ESR1: variants seen among roughly 807,000 people sequenced by gnomAD.
ESR1 encodes estrogen receptor.
A neutral mutation model predicts 52.7 loss-of-function variants in ESR1; 12 were observed. That is an observed-to-expected ratio of 0.23 (90% CI 0.15 to 0.37). The LOEUF (loss-of-function observed/expected upper bound fraction) is 0.37, where lower values mean the gene tolerates loss of function less well. Among genes scored for constraint, ESR1 ranks in the 10% least tolerant of loss-of-function variants. The pLI, the probability that ESR1 is intolerant of heterozygous loss-of-function variation, is 1.00. For synonymous variants in ESR1, 305 were observed against 316.8 expected, an observed-to-expected ratio of 0.96 and a Z score of 0.39; for missense variants, 584 against 779.7, an observed-to-expected ratio of 0.75 and a Z score of 2.99.
chr6:152,071,509 G>A (rs2048348583), intron 6 of ESR1, among the ~76,000 whole-genome samples: 2 of 152,140 alleles, frequency 1.3e-5, no homozygotes, highest in Admixed American at 6.5e-5. Flanking sequence ...TTGCCCATGA[G>A]ATGGAGATTA....
chr6:151,944,255 G>T lies in ESR1; in HGVS notation c.843G>T (p.Gly281=), dbSNP rs778524912. The change falls in exon 4 of 8, where the codon GGG becomes GGT. Residue 281 remains glycine (G), a synonymous_variant. Transcript: ENST00000206249. ...ATGGGGAGGGCAGGGGTGAAGTGGG[G>T]TCTGCTGGAGACATGAGAGCTGCCA... ...RDDGEGRGEV[G]SAGDMRAANL... The T allele has an allele frequency of 1.2e-6, 2 of 1,614,062 alleles. No individual in the cohort carries two copies. Among genetic ancestry groups the T allele is most frequent in the African/African-American group, 1.3e-5 (1 of 74,926 alleles).
intron 6 of ESR1, among the ~76,000 whole-genome samples, chr6:152,066,175 G>T (rs1427653999): frequency 6.6e-6 from 1 of 152,144 alleles, no homozygotes; most frequent in Non-Finnish European, 1.5e-5. Context: ...CATTCTGTTT[G>T]CTTTGATCAG....
Position 151,807,867 on chromosome 6 carries a change from C to T in ESR1, c.-46C>T, listed in dbSNP as rs1196656682. 1.3e-6 allele frequency: 2 copies of T among 1,564,234 alleles called. No homozygotes were observed. Among genetic ancestry groups the T allele is most frequent in the South Asian group, 2.2e-5 (2 of 89,190 alleles). On this transcript the variant is annotated 5_prime_UTR_variant, in exon 1 of 8. Transcript: ENST00000206249. ...GGTGGCCCGCCGGTTTCTGAGCCTTCTGCCCTGCGGGGACACGGTCTGCAC... is the reference window on the plus strand; with the variant it reads ...GGTGGCCCGCCGGTTTCTGAGCCTTTTGCCCTGCGGGGACACGGTCTGCAC...
chr6:152,081,653 C>T (rs2049225781), intron 6 of ESR1, among the ~76,000 whole-genome samples: 3 of 151,368 alleles, frequency 2.0e-5, no homozygotes, highest in Non-Finnish European at 4.4e-5. Context: ...GACAGAGACA[C>T]AAAAAGCCGT....
chr6:151,790,301 C>T (rs762099464), intron 2 of ESR1, among the ~76,000 whole-genome samples: 4 of 152,194 alleles, frequency 2.6e-5, no homozygotes, highest in African/African-American at 7.2e-5. Context: ...GCTTTTCTTG[C>T]GTGCCACCAA....
At chr6:152,089,009 A>G (rs2049969464) in intron 6 of ESR1, among the ~76,000 whole-genome samples, 1 of 152,220 alleles carries the variant, frequency 6.6e-6, no homozygotes, top group Admixed American at 6.5e-5. Flanking sequence ...CACTACATTC[A>G]AGGCAAATAT....
intron 4 of ESR1, among the ~76,000 whole-genome samples, chr6:151,948,925 T>G (rs1316231228): frequency 6.6e-6 from 1 of 152,190 alleles, no homozygotes; most frequent in Non-Finnish European, 1.5e-5. Flanking sequence ...AGATTTGAGC[T>G]CAGGAAGTGC....
chr6:152,120,598 G>A (rs1562801255), intron 6 of ESR1, among the ~76,000 whole-genome samples: 1 of 152,140 alleles, frequency 6.6e-6, no homozygotes, highest in Non-Finnish European at 1.5e-5. Context: ...GGTGGCTTGT[G>A]AGCTGAGTCC....
At chr6:151,660,240 G>GGTACA (rs1209549959) in intron 1 of ESR1, among the ~76,000 whole-genome samples, 1 of 152,198 alleles carries the variant, frequency 6.6e-6, no homozygotes, top group East Asian at 1.9e-4. Flanking sequence ...GATGGGAAAA[G>GGTACA]GTACAGTTGT....
intron 4 of ESR1, among the ~76,000 whole-genome samples, chr6:151,984,904 C>T (rs1338375077): frequency 1.3e-5 from 2 of 152,064 alleles, no homozygotes; most frequent in Non-Finnish European, 2.9e-5. Context: ...ATCCTGGGGC[C>T]ATGAAACCTG....
rs114206550 is a variant in ESR1 at position 151,950,082 on chromosome 6, C to T, written c.1096+5574C>T. On this transcript the variant is annotated intron_variant, in intron 4 of 7. Coordinates refer to ENST00000206249, the MANE Select transcript of ESR1 (RefSeq NM_000125.4). ...GGTGTTAAAAAGGGGAGTTTTTCTG[C>T]ACAAGCTCTTCTTCTCTTGTCTGCC... Among the ~76,000 whole-genome samples, 320 of 152,288 alleles carry T rather than the reference C, an allele frequency of 2.1e-3. 1 individual carries two copies. Among genetic ancestry groups the T allele is most frequent in the East Asian group, 0.011 (56 of 5,172 alleles).
chr6:151,719,677 C>G (rs1043844732), intron 2 of ESR1, among the ~76,000 whole-genome samples: 5 of 152,292 alleles, frequency 3.3e-5, no homozygotes, highest in African/African-American at 1.2e-4. Flanking sequence ...CATACTATCT[C>G]TACAATTCAT....
At chr6:151,876,638 G>A (rs2128321438) in intron 2 of ESR1, among the ~76,000 whole-genome samples, 1 of 152,274 alleles carries the variant, frequency 6.6e-6, no homozygotes, top group Non-Finnish European at 1.5e-5. Context: ...GGGAAAAGCT[G>A]AATGTGGGTC....
intron 4 of ESR1, among the ~76,000 whole-genome samples, chr6:151,981,090 C>T (rs1427267998): frequency 6.6e-6 from 1 of 152,188 alleles, no homozygotes; most frequent in Non-Finnish European, 1.5e-5. Context: ...AGACCAAGAA[C>T]TCTAGGGTTA....
At chr6:152,125,496 A>G (rs543564938) in exon 7 of ESR1, 17 of 1,166,772 alleles carry the variant, frequency 1.5e-5, no homozygotes, top group Middle Eastern at 4.1e-4. Context: ...CAATGATTCA[A>G]TGGTTTGCCT....
At chr6:151,754,285 G>T (rs1784116980) in intron 2 of ESR1, among the ~76,000 whole-genome samples, 1 of 150,188 alleles carries the variant, frequency 6.7e-6, no homozygotes, top group Admixed American at 6.6e-5. Context: ...ATTATTATAA[G>T]TTTGTTGCTG....
At chr6:152,018,375 ATGTAAAACTTCAGGT>A (rs2043329860) in intron 5 of ESR1, among the ~76,000 whole-genome samples, 1 of 151,732 alleles carries the variant, frequency 6.6e-6, no homozygotes, top group Non-Finnish European at 1.5e-5. Flanking sequence ...CTTTTTCCCC[ATGTAAAACTTCAGGT>A]AAATTCTTTG....
chr6:151,893,866 T>A (rs1317005196), intron 3 of ESR1, among the ~76,000 whole-genome samples: 1 of 152,174 alleles, frequency 6.6e-6, no homozygotes, highest in Non-Finnish European at 1.5e-5. Flanking sequence ...CCATAAAGGA[T>A]CTTAAGCAGA....
At chr6:151,884,778 T>C (rs1456173907) in intron 3 of ESR1, among the ~76,000 whole-genome samples, 2 of 152,232 alleles carry the variant, frequency 1.3e-5, no homozygotes, top group African/African-American at 4.8e-5. Flanking sequence ...TTTCTCTGCA[T>C]TGCTTTTTCC....
Sources: allele counts gnomAD v4.1 joint callset (sites outside exome capture counted in the v4.1 genomes callset), GRCh38; gene constraint gnomAD v4.1.1; transcripts MANE v1.5; gene names NCBI Gene and HGNC (gene_info 2026-07-23, HGNC 2026-07-21).